LRRC4C: variants seen among roughly 807,000 people sequenced by gnomAD.
The protein encoded by LRRC4C is leucine-rich repeat-containing protein 4C.
Under a neutral mutation model 33.6 loss-of-function variants are expected in LRRC4C, and 5 were observed. That is an observed-to-expected ratio of 0.15 (90% CI 0.08 to 0.31). The LOEUF (loss-of-function observed/expected upper bound fraction) is 0.31. LRRC4C is among the 10% of genes least tolerant of loss of function. The pLI is 1.00. For missense variants in LRRC4C, 560 were observed against 796.7 expected (o/e 0.70, Z 3.58); for synonymous variants, 329 against 302.0 (o/e 1.09, Z -0.93).
chr11:41,265,038 G>A (rs956645068), intron 1 of LRRC4C, among the ~76,000 whole-genome samples: 2 of 152,092 alleles, frequency 1.3e-5, no homozygotes, highest in Non-Finnish European at 2.9e-5. Flanking sequence ...CTATTGATTT[G>A]TAATTCCTCT....
At chr11:40,589,988 A>G (rs1293835246) in intron 3 of LRRC4C, among the ~76,000 whole-genome samples, 1 of 150,564 alleles carries the variant, frequency 6.6e-6, no homozygotes, top group Non-Finnish European at 1.5e-5. Flanking sequence ...GTATCTTTGT[A>G]GCGTTCTCTG....
intron 4 of LRRC4C, among the ~76,000 whole-genome samples, chr11:40,257,425 A>G (rs139580619): frequency 2.0e-5 from 3 of 152,246 alleles, no homozygotes; most frequent in African/African-American, 7.2e-5. Flanking sequence ...GATGCCTAAA[A>G]AACATTTTGT....
chr11:40,874,969 C>T (rs1288127933), intron 2 of LRRC4C, among the ~76,000 whole-genome samples: 1 of 152,134 alleles, frequency 6.6e-6, no homozygotes, highest in East Asian at 1.9e-4. Flanking sequence ...AATGAGAAGT[C>T]ATTTGAGTCA....
At chr11:40,228,698 C>T (rs761421044) in intron 5 of LRRC4C, among the ~76,000 whole-genome samples, 16 of 152,294 alleles carry the variant, frequency 1.1e-4, no homozygotes, top group Admixed American at 2.6e-4. Flanking sequence ...AAATATAGGA[C>T]GCTTGTCTGC....
Position 40,633,325 on chromosome 11 carries a change from T to TTCTCTTTCTTTCTTTCTTTC in LRRC4C, c.-270+14816_-270+14817insGAAAGAAAGAAAGAAAGAGA, listed in dbSNP as rs772299978. On this transcript the variant is annotated intron_variant, in intron 3 of 6. Transcript: ENST00000528697. ...AAATCTTAGCTCAGCCAAGTTTTCT[T>TTCTCTTTCTTTCTTTCTTTC]TTTCTTTCTTTCTTTCTTTCTTTCT... 4.7e-3 allele frequency among the ~76,000 whole-genome samples: 526 copies of TTCTCTTTCTTTCTTTCTTTC among 112,216 alleles called. 26 individuals carry two copies. The highest frequency in any genetic ancestry group is 0.014 in the Middle Eastern group (3 of 212). The allele number at this position is 112,216 out of a possible 152,430, so 73.6% of individuals were successfully genotyped here.
chr11:41,381,695 A>G (rs564090473), intron 1 of LRRC4C, among the ~76,000 whole-genome samples: 1 of 151,930 alleles, frequency 6.6e-6, no homozygotes. Flanking sequence ...GTAAGCATAT[A>G]TTTTTTAAAG....
chr11:40,853,396 G>C (rs1953609566), intron 2 of LRRC4C, among the ~76,000 whole-genome samples: 1 of 147,986 alleles, frequency 6.8e-6, no homozygotes, highest in African/African-American at 2.5e-5. Context: ...ATATATAAAT[G>C]TATATGTTTA....
chr11:40,605,932 T>C (rs1960535971), intron 3 of LRRC4C, among the ~76,000 whole-genome samples: 1 of 152,164 alleles, frequency 6.6e-6, no homozygotes, highest in Admixed American at 6.5e-5. Context: ...ATTCTTCTTC[T>C]CTTGTTTTGG....
At chr11:40,356,631 C>T (rs1018130080) in intron 3 of LRRC4C, among the ~76,000 whole-genome samples, 2 of 151,964 alleles carry the variant, frequency 1.3e-5, no homozygotes, top group Non-Finnish European at 2.9e-5. Flanking sequence ...TGCTGTATCA[C>T]GGGATGAAAG....
chr11:41,253,815 A>T (rs973933196), intron 1 of LRRC4C, among the ~76,000 whole-genome samples: 2 of 152,118 alleles, frequency 1.3e-5, no homozygotes, highest in African/African-American at 4.8e-5. Context: ...TCTGCACTCT[A>T]AAAGAGTCAA....
At chr11:40,735,760 T>C (rs1947832073) in intron 2 of LRRC4C, among the ~76,000 whole-genome samples, 1 of 149,618 alleles carries the variant, frequency 6.7e-6, no homozygotes. Flanking sequence ...GTTGAACTAG[T>C]TTACAGTCCC....
At chr11:40,530,729 G>A (rs923342866) in intron 3 of LRRC4C, among the ~76,000 whole-genome samples, 12 of 152,214 alleles carry the variant, frequency 7.9e-5, no homozygotes, top group East Asian at 5.8e-4. Flanking sequence ...ATAAGGCCCC[G>A]TCACAAATAA....
At chr11:40,886,404 G>A (rs1295684245) in intron 2 of LRRC4C, among the ~76,000 whole-genome samples, 1 of 32,216 alleles carries the variant, frequency 3.1e-5, no homozygotes, top group Non-Finnish European at 7.9e-5. Context: ...GGTTTCAAAT[G>A]CTACACACAC....
chr11:40,751,664 C>T (rs750277402), intron 2 of LRRC4C, among the ~76,000 whole-genome samples: 17 of 151,932 alleles, frequency 1.1e-4, no homozygotes, highest in African/African-American at 2.2e-4. Context: ...CTCATTAAAA[C>T]GATCATACTG....
intron 4 of LRRC4C, among the ~76,000 whole-genome samples, chr11:40,301,063 C>T (rs1944751687): frequency 6.6e-6 from 1 of 152,186 alleles, no homozygotes; most frequent in Admixed American, 6.5e-5. Flanking sequence ...GGATATCAAT[C>T]ACTAAAGAAG....
At chr11:40,388,036 C>T (rs1949180189) in intron 3 of LRRC4C, among the ~76,000 whole-genome samples, 1 of 152,166 alleles carries the variant, frequency 6.6e-6, no homozygotes, top group Admixed American at 6.6e-5. Flanking sequence ...CCCTAATAAA[C>T]CTCCTCAACC....
chr11:40,258,706 T>G (rs1389774321), intron 4 of LRRC4C, among the ~76,000 whole-genome samples: 3 of 152,214 alleles, frequency 2.0e-5, no homozygotes, highest in Non-Finnish European at 2.9e-5. Context: ...AACCTAAATC[T>G]GTTCTCAATA....
chr11:41,151,794 A>T (rs1473305986), intron 1 of LRRC4C, among the ~76,000 whole-genome samples: 2 of 152,238 alleles, frequency 1.3e-5, no homozygotes, highest in African/African-American at 4.8e-5. Flanking sequence ...TAGATAGATA[A>T]ATACAATCCA....
intron 1 of LRRC4C, among the ~76,000 whole-genome samples, chr11:41,296,534 T>C (rs1950149088): frequency 6.6e-6 from 1 of 152,074 alleles, no homozygotes; most frequent in African/African-American, 2.4e-5. Flanking sequence ...GGACCGGTCT[T>C]GAATTCCTGA....
Sources: allele counts gnomAD v4.1 joint callset (sites outside exome capture counted in the v4.1 genomes callset), GRCh38; gene constraint gnomAD v4.1.1; transcripts MANE v1.5; gene names NCBI Gene and HGNC (gene_info 2026-07-23, HGNC 2026-07-21).